TG: variants seen among roughly 807,000 people sequenced by gnomAD.
TG encodes the protein thyroglobulin.
In TG, 270 loss-of-function variants were observed where a neutral mutation model predicts 324.7. The ratio of observed to expected loss-of-function variants is 0.83; its 90% CI spans 0.75 to 0.92. The LOEUF is 0.92. Ranked by LOEUF, TG falls within the 40% of genes least tolerant of loss-of-function variation. The pLI is 0.00. For missense variants in TG, 3,591 were observed against 3,456.4 expected (o/e 1.04, Z -0.98); for synonymous variants, 1,401 against 1,327.0 (o/e 1.06, Z -1.21).
chr8:132,985,590 T>C (rs1414825990), intron 35 of TG, among the ~76,000 whole-genome samples: 1 of 152,190 alleles, frequency 6.6e-6, no homozygotes, highest in African/African-American at 2.4e-5. Flanking sequence ...GTAAATATGG[T>C]TCACCACAGA....
Position 132,887,207 on chromosome 8 carries a change from C to T in TG, c.1835C>T (p.Pro612Leu). The T allele has an allele frequency of 6.2e-7, 1 of 1,612,250 alleles. No homozygotes were observed. Among genetic ancestry groups the T allele is most frequent in the Non-Finnish European group, 8.5e-7 (1 of 1,178,794 alleles). The change falls in exon 9 of 48, where the codon CCT (proline) becomes CTT (leucine). Residue 612 changes from proline to leucine, a missense_variant. Physicochemically the swap from Pro to Leu is moderately conservative, Grantham distance 98. Transcript: ENST00000220616. The stretch of plus-strand genomic sequence containing the variant: ...AGCTCCCAGACCTGTGAGCAGACAC[C>T]TGAAAGGCTATTTGTCCCATCATGC... ...VLSSQTCEQT[P>L]ERLFVPSCTT...
chr8:132,940,640 A>AC (rs1235528394), intron 25 of TG, among the ~76,000 whole-genome samples: 1 of 152,202 alleles, frequency 6.6e-6, no homozygotes, highest in Non-Finnish European at 1.5e-5. Flanking sequence ...AGTTATGGAG[A>AC]CAAGGGCTGC....
chr8:132,900,087 G>T (rs1283497228), intron 14 of TG, 150 bp from the exon 15 acceptor site: 2 of 691,320 alleles, frequency 2.9e-6, no homozygotes, highest in African/African-American at 3.5e-5. Context: ...CTGGGAACAG[G>T]AGAGCACCTC....
intron 20 of TG, among the ~76,000 whole-genome samples, chr8:132,917,922 AT>A (rs1563953362): frequency 1.3e-5 from 2 of 149,758 alleles, no homozygotes; most frequent in African/African-American, 4.9e-5. Context: ...AAAAACCACA[AT>A]TACTTTTGCG....
intron 41 of TG, among the ~76,000 whole-genome samples, chr8:133,055,824 CCAGCAGCAGCAGCAGCAG>C (rs36210010): frequency 5.0e-4 from 75 of 150,884 alleles, no homozygotes; most frequent in South Asian, 1.7e-3. Flanking sequence ...CTCCTCATCA[CCAGCAGCAGCAGCAGCAG>C]CAGCAGCAGC....
chr8:132,966,466 C>CTGTGTG, intron 29 of TG, 94 bp from the exon 30 acceptor site: 16 of 974,080 alleles, frequency 1.6e-5, no homozygotes, highest in East Asian at 3.2e-5. Flanking sequence ...GTCTCTCTCT[C>CTGTGTG]TGTGTGTGTG....
rs915559996 is a variant in TG, at chr8:132,969,723, C to T, written c.5975+154C>T. On this transcript the variant is annotated intron_variant, in intron 32 of 47. Transcript: ENST00000220616. ...GTCAAGAGATCAAGACTATCCTGAC[C>T]AACATGGTGAAGCCCCGTCTCTACT... is the stretch of plus-strand genomic sequence containing the variant. 4.6e-5 allele frequency among the ~76,000 whole-genome samples: 7 copies of T among 152,036 alleles called. No homozygotes were observed. The East Asian group carries it at 1.4e-3, about 29-fold the overall frequency.
intron 43 of TG, chr8:133,102,512 C>T (rs1476463075): frequency 6.5e-7 from 1 of 1,548,188 alleles, no homozygotes; most frequent in Non-Finnish European, 8.7e-7. Flanking sequence ...CACCTATGGC[C>T]CACCCAGGGG....
intron 41 of TG, among the ~76,000 whole-genome samples, chr8:133,039,288 T>A (rs1187753753): frequency 3.9e-5 from 6 of 152,264 alleles, no homozygotes; most frequent in African/African-American, 1.2e-4. Flanking sequence ...GGCTGTGTGA[T>A]CTTGGACAAA....
At chr8:133,025,542 G>A (rs1418597989) in intron 40 of TG, among the ~76,000 whole-genome samples, 4 of 152,150 alleles carry the variant, frequency 2.6e-5, no homozygotes, top group African/African-American at 9.7e-5. Flanking sequence ...GGGCACATGT[G>A]TTACCCTTGA....
In TG at chr8:133,094,966, TGTGG is replaced by T. The variant is rs1208451937; in HGVS notation, c.7240-77_7240-74del. ...TTGGAGGAAGGATGCAGAACCCTGA[TGTGG>T]CACTGAGGACTCCAGGTGAGCAGGG... On this transcript the variant is annotated intron_variant, in intron 41 of 47. Coordinates refer to ENST00000220616, the MANE Select transcript of TG (RefSeq NM_003235.5). 1.8e-3 allele frequency: 2,897 copies of T among 1,596,478 alleles called. 4 individuals are homozygous for T. The highest frequency in any genetic ancestry group is 3.4e-3 in the South Asian group (306 of 90,392).
At chr8:133,033,120 T>C (rs1417390016) in intron 41 of TG, among the ~76,000 whole-genome samples, 1 of 152,188 alleles carries the variant, frequency 6.6e-6, no homozygotes, top group Non-Finnish European at 1.5e-5. Flanking sequence ...TGCATGAAGA[T>C]CCTGGTCTTG....
intron 27 of TG, among the ~76,000 whole-genome samples, chr8:132,958,672 C>T (rs1159934883): frequency 1.6e-4 from 8 of 48,502 alleles, no homozygotes; most frequent in African/African-American, 6.8e-4. Flanking sequence ...GAGCCGAGAT[C>T]GTGCTGCTGC....
At chr8:132,872,524 C>G (rs574095549) in intron 4 of TG, among the ~76,000 whole-genome samples, 21 of 145,740 alleles carry the variant, frequency 1.4e-4, no homozygotes, top group African/African-American at 4.5e-4. Context: ...CTAAGGTTAA[C>G]TTATTACTGA....
chr8:133,111,697 A>G (rs1850260468), intron 43 of TG, among the ~76,000 whole-genome samples: 1 of 149,352 alleles, frequency 6.7e-6, no homozygotes, highest in African/African-American at 2.4e-5. Context: ...GTGTATGTCC[A>G]TGTGTGTTCT....
At chr8:132,915,876 C>A (rs1414455271) in intron 20 of TG, among the ~76,000 whole-genome samples, 2 of 152,206 alleles carry the variant, frequency 1.3e-5, no homozygotes, top group Non-Finnish European at 2.9e-5. Context: ...ATGGCCCCAT[C>A]CTCTTACTCC....
At chr8:132,977,721 ACTCCCATGATTCAATCAT>A (rs1215349011) in intron 34 of TG, among the ~76,000 whole-genome samples, 8 of 152,216 alleles carry the variant, frequency 5.3e-5, no homozygotes, top group Non-Finnish European at 1.0e-4. Context: ...GGAAAGACCC[ACTCCCATGATTCAATCAT>A]CTCCCACCAG....
At chr8:133,034,813 G>T (rs1324619154) in intron 41 of TG, among the ~76,000 whole-genome samples, 1 of 152,140 alleles carries the variant, frequency 6.6e-6, no homozygotes, top group East Asian at 1.9e-4. Context: ...CTTCCAGATA[G>T]TAGGGAGGGG....
intron 35 of TG, 82 bp downstream of exon 35, chr8:132,983,494 C>G: frequency 1.4e-6 from 2 of 1,387,834 alleles, no homozygotes; most frequent in Non-Finnish European, 2.1e-6. Flanking sequence ...TGCTTTTGTA[C>G]AGAAGTTGAT....
Sources: gnomAD v4.1 joint callset for allele counts (sites outside exome capture counted in the v4.1 genomes callset) on GRCh38, gnomAD v4.1.1 for gene constraint, MANE v1.5 for transcripts, NCBI Gene and HGNC (gene_info 2026-07-23, HGNC 2026-07-21) for gene names.